NUDT19: variants seen among roughly 807,000 people sequenced by gnomAD.
NUDT19 encodes acyl-coenzyme A diphosphatase NUDT19.
NUDT19 carries 31 observed loss-of-function variants against 22.2 expected under a neutral mutation model. That is an observed-to-expected ratio of 1.40 (90% CI 1.05 to 1.89). The LOEUF is 1.89. Ranked by LOEUF, NUDT19 falls within the 40% of genes most tolerant of loss-of-function variation. The pLI is 0.00. For missense variants in NUDT19, 752 were observed against 514.2 expected, an observed-to-expected ratio of 1.46 and a Z score of -4.47; for synonymous variants, 325 against 230.8, an observed-to-expected ratio of 1.41 and a Z score of -3.70.
At chr19:32,693,795 A>G (rs1968232941) in intron 1 of NUDT19, among the ~76,000 whole-genome samples, 1 of 152,216 alleles carries the variant, frequency 6.6e-6, no homozygotes, top group Admixed American at 6.5e-5. Flanking sequence ...ATCTTTAGCT[A>G]GACAGAAAAG....
chr19:32,703,679 T>C (rs1599800436), intron 1 of NUDT19, among the ~76,000 whole-genome samples: 1 of 87,172 alleles, frequency 1.1e-5, no homozygotes, highest in East Asian at 4.8e-4. Flanking sequence ...TTTTTTTTTT[T>C]TGAGACGGAG....
rs949962808 is a variant in NUDT19, at chr19:32,713,607, T to G, written c.*1650T>G. On this transcript the variant is annotated 3_prime_UTR_variant, in exon 3 of 3. Coordinates refer to ENST00000397061, the MANE Select transcript of NUDT19 (RefSeq NM_001105570.2). ...TGTATTTAATATGAGTAATTTTTCA[T>G]CATCTTTCAAGAGGAATAATGTTTA... is the stretch of plus-strand genomic sequence containing the variant. 2 of 152,218 alleles carry G rather than the reference T, an allele frequency of 1.3e-5. No homozygotes were observed. The highest frequency in any genetic ancestry group is 2.9e-5 in the Non-Finnish European group (2 of 68,030). The allele number at this position is 152,218 out of a possible 1,614,324, so 9.4% of individuals were successfully genotyped here. A position where few individuals can be genotyped will look rare whatever the true frequency, so the allele number is the denominator to read the frequency against.
At chr19:32,694,800 A>T (rs1968244452) in intron 1 of NUDT19, among the ~76,000 whole-genome samples, 1 of 152,192 alleles carries the variant, frequency 6.6e-6, no homozygotes, top group African/African-American at 2.4e-5. Context: ...CTGATTCTGT[A>T]AGTACTTTAA....
intron 1 of NUDT19, among the ~76,000 whole-genome samples, chr19:32,705,817 T>G (rs1251340403): frequency 6.6e-6 from 1 of 152,094 alleles, no homozygotes; most frequent in Non-Finnish European, 1.5e-5. Flanking sequence ...ACTCCTGACC[T>G]CAGGTGATCC....
chr19:32,712,011 G>C lies in NUDT19; in HGVS notation c.*54G>C, dbSNP rs1320000125. ...TACTTGAAGTCCTCATGAATAATGA[G>C]GGTTGACTTTCATTTGCTTGAAACT... On this transcript the variant is annotated 3_prime_UTR_variant, in exon 3 of 3. Transcript: ENST00000397061. 8.9e-7 allele frequency: 1 copy of C among 1,125,378 alleles called. No homozygotes were observed. The allele number at this position is 1,125,378 out of a possible 1,614,324, so 69.7% of individuals were successfully genotyped here.
chr19:32,694,084 T>C (rs906858192), intron 1 of NUDT19, among the ~76,000 whole-genome samples: 1 of 152,172 alleles, frequency 6.6e-6, no homozygotes, highest in Non-Finnish European at 1.5e-5. Context: ...TGTAGTTTGA[T>C]GGCCTTGATT....
At chr19:32,694,261 G>A (rs1321563932) in intron 1 of NUDT19, among the ~76,000 whole-genome samples, 1 of 152,230 alleles carries the variant, frequency 6.6e-6, no homozygotes, top group African/African-American at 2.4e-5. Flanking sequence ...ACCTTTTCCT[G>A]TAAATGCCGG....
At chr19:32,703,939 A>C (rs1465581506) in intron 1 of NUDT19, among the ~76,000 whole-genome samples, 1 of 152,082 alleles carries the variant, frequency 6.6e-6, no homozygotes, top group East Asian at 1.9e-4. Flanking sequence ...CTGGGATCAC[A>C]GGCATGAGCC....
At chr19:32,705,380 C>T (rs79840281) in intron 1 of NUDT19, among the ~76,000 whole-genome samples, 1,739 of 150,794 alleles carry the variant, frequency 0.012, 46 homozygotes, top group East Asian at 0.1. Flanking sequence ...GATGAGATCA[C>T]AGCACTGCAC....
rs760684011 is a variant in NUDT19, at chr19:32,711,994, G to A, written c.*37G>A. ...TTGTTTGTAAAATGGCCTACTTGAA[G>A]TCCTCATGAATAATGAGGGTTGACT... On this transcript the variant is annotated 3_prime_UTR_variant, in exon 3 of 3. Transcript: ENST00000397061. 2.3e-6 allele frequency: 3 copies of A among 1,332,636 alleles called. No individual in the cohort carries two copies. The highest frequency in any genetic ancestry group is 1.2e-5 in the South Asian group (1 of 84,548). 82.6% of individuals were successfully genotyped at this position (1,332,636 alleles called of 1,614,324 possible). A position where few individuals can be genotyped will look rare whatever the true frequency, so the allele number is the denominator to read the frequency against.
intron 1 of NUDT19, among the ~76,000 whole-genome samples, chr19:32,702,411 G>T (rs1045514099): frequency 7.6e-5 from 5 of 65,652 alleles, no homozygotes; most frequent in Admixed American, 6.9e-4. Context: ...AGCCAGATCT[G>T]TTACCGAAGT....
At chr19:32,711,712 T>G (rs2145369771) in intron 2 of NUDT19, 40 bp from the exon 3 acceptor site, 2 of 1,210,220 alleles carry the variant, frequency 1.7e-6, no homozygotes, top group Non-Finnish European at 2.4e-6. Context: ...GAAAAATAAT[T>G]TTGTATTTAA....
chr19:32,701,731 G>C lies in NUDT19; in HGVS notation c.715-7454G>C, dbSNP rs1968338473. On this transcript the variant is annotated intron_variant, in intron 1 of 2. Coordinates refer to ENST00000397061, the MANE Select transcript of NUDT19 (RefSeq NM_001105570.2). Reference sequence around the variant, plus strand: ...TATGAAATATCCTTCTTTATTCCTGGTTATAATCTTTATTCTGAAATCTGA... The same window carrying C: ...TATGAAATATCCTTCTTTATTCCTGCTTATAATCTTTATTCTGAAATCTGA... 2.0e-5 allele frequency among the ~76,000 whole-genome samples: 3 copies of C among 152,126 alleles called. No homozygotes were observed. In the South Asian group the frequency reaches 6.2e-4, roughly 32 times the overall value.
chr19:32,697,479 T>C (rs1478053700), intron 1 of NUDT19, among the ~76,000 whole-genome samples: 1 of 152,198 alleles, frequency 6.6e-6, no homozygotes, highest in African/African-American at 2.4e-5. Flanking sequence ...GTGGACATCA[T>C]TGAATAATTC....
chr19:32,692,231 C>T lies in NUDT19; in HGVS notation c.271C>T (p.Leu91=). 6.3e-7 allele frequency: 1 copy of T among 1,588,132 alleles called. No homozygotes were observed. The highest frequency in any genetic ancestry group is 8.5e-7 in the Non-Finnish European group (1 of 1,175,882). Residue 91 remains leucine (L), a synonymous_variant, in exon 1 of 3, where the codon CTG becomes TTG. Transcript: ENST00000397061. Reference sequence around the variant, plus strand: ...GCACCACGGGCCGCCGCGCTTCGGCCTGGGCCCGGCGCCATTCAGCCGCAC... The same window carrying T: ...GCACCACGGGCCGCCGCGCTTCGGCTTGGGCCCGGCGCCATTCAGCCGCAC... The part of the protein sequence containing the change: ...APHHGPPRFG[L]GPAPFSRTAF...
chr19:32,712,177 C>G lies in NUDT19; in HGVS notation c.*220C>G. 2 of 432,048 alleles carry G rather than the reference C, an allele frequency of 4.6e-6. No individual in the cohort carries two copies. Among genetic ancestry groups the G allele is most frequent in the Non-Finnish European group, 8.3e-6 (2 of 241,690 alleles). The allele number at this position is 432,048 out of a possible 1,614,324, so 26.8% of individuals were successfully genotyped here. On this transcript the variant is annotated 3_prime_UTR_variant, in exon 3 of 3. Coordinates refer to ENST00000397061, the MANE Select transcript of NUDT19 (RefSeq NM_001105570.2). Reference sequence around the variant, plus strand: ...GGAAGCTCTGCCTCAGGGGTTCATGCCATTCTCCTGCCTCAGCCTCCCGAG... The same window carrying G: ...GGAAGCTCTGCCTCAGGGGTTCATGGCATTCTCCTGCCTCAGCCTCCCGAG...
Position 32,692,535 on chromosome 19 carries a change from G to A in NUDT19, c.575G>A (p.Trp192Ter), listed in dbSNP as rs993420664. 1.0e-5 allele frequency: 16 copies of A among 1,589,716 alleles called. No individual in the cohort carries two copies. The highest frequency in any genetic ancestry group is 1.4e-5 in the African/African-American group (1 of 72,924). The change falls in exon 1 of 3, where the codon TGG becomes TAG. Residue 192 changes from tryptophan to a stop codon, truncating the protein, a stop_gained. Coordinates refer to ENST00000397061, the MANE Select transcript of NUDT19 (RefSeq NM_001105570.2). LOFTEE classifies it high-confidence loss of function. ...CAHLDCTPDIWALHNWSAWLT... is the reference protein window; with the variant it reads ...CAHLDCTPDI ...CACCTCGACTGCACACCCGACATCTGGGCGCTGCACAACTGGAGCGCCTGG... is the reference window on the plus strand; with the variant it reads ...CACCTCGACTGCACACCCGACATCTAGGCGCTGCACAACTGGAGCGCCTGG...
intron 1 of NUDT19, among the ~76,000 whole-genome samples, chr19:32,697,559 C>A (rs1278455617): frequency 6.6e-6 from 1 of 152,170 alleles, no homozygotes; most frequent in African/African-American, 2.4e-5. Context: ...ACTCCAGTCC[C>A]CATGATCTGA....
rs750894553 is a variant in NUDT19 at position 32,711,805 on chromosome 19, GA to G, written c.983del (p.Lys328ArgfsTer6). The G allele has an allele frequency of 9.3e-6, 15 of 1,613,424 alleles. No individual in the cohort carries two copies. Among genetic ancestry groups the G allele is most frequent in the African/African-American group, 2.7e-5 (2 of 74,862 alleles). On this transcript the variant is annotated frameshift_variant, in exon 3 of 3. Coordinates refer to ENST00000397061, the MANE Select transcript of NUDT19 (RefSeq NM_001105570.2). LOFTEE classifies it low-confidence loss of function (END_TRUNC). ...CTTTTTGGAAAATCTTATGTCTACTGAAAAAAAGACTGAGGAAATCATGAAG... is the reference window on the plus strand; with the variant it reads ...CTTTTTGGAAAATCTTATGTCTACTGAAAAAAGACTGAGGAAATCATGAAG... The part of the protein sequence containing the change: ...SDFLENLMST[E>X]KKTEEIMKEG...
Sources: allele counts gnomAD v4.1 joint callset (sites outside exome capture counted in the v4.1 genomes callset), GRCh38; gene constraint gnomAD v4.1.1; transcripts MANE v1.5; gene names NCBI Gene and HGNC (gene_info 2026-07-23, HGNC 2026-07-21).